The following TCF12 variants were observed in gnomAD, a reference collection of about 807,000 sequenced individuals.
The protein encoded by TCF12 is DNA-binding protein HTF4.
TCF12 carries 45 observed loss-of-function variants against 86.0 expected under a neutral mutation model. That is an observed-to-expected ratio of 0.52 (90% confidence interval 0.41 to 0.67). TCF12 has a LOEUF of 0.67. Among genes scored for constraint, TCF12 ranks in the 30% least tolerant of loss-of-function variants. The probability of loss-of-function intolerance (pLI) is 0.00; values close to 1 mark genes in which losing one functional copy is unlikely to be tolerated. For synonymous variants in TCF12, 330 were observed against 299.6 expected (o/e 1.10, Z -1.05); for missense variants, 881 against 859.9 (o/e 1.02, Z -0.31).
intron 3 of TCF12, among the ~76,000 whole-genome samples, chr15:57,002,735 T>C (rs1427063165): frequency 6.6e-6 from 1 of 152,244 alleles, no homozygotes; most frequent in Non-Finnish European, 1.5e-5. Context: ...TTTCATTCTC[T>C]GTCTCTATAA....
At position 56,931,870 on chromosome 15, in the gene TCF12, T is replaced by C. The variant is rs566415772; in HGVS notation, c.148+10772T>C. Among the ~76,000 whole-genome samples the C allele has an allele frequency of 5.9e-5, 9 of 152,350 alleles. No homozygotes were observed. The East Asian group carries it at 1.7e-3, about 29-fold the overall frequency. On this transcript the variant is annotated intron_variant, in intron 3 of 20. Coordinates refer to ENST00000333725, the MANE Select transcript of TCF12 (RefSeq NM_207037.2). ...AAGCCATTGACTTTTCTGGTGGCTT[T>C]GCAAGCCTGTTGCTTGTACTGTTGC...
chr15:56,937,643 T>G (rs1022853952), intron 3 of TCF12, among the ~76,000 whole-genome samples: 6 of 152,116 alleles, frequency 3.9e-5, no homozygotes, highest in Non-Finnish European at 7.4e-5. Flanking sequence ...AGGGAATGCT[T>G]TCAACTTTTC....
chr15:57,117,509 G>A (rs1013174365), intron 5 of TCF12, among the ~76,000 whole-genome samples: 4 of 152,104 alleles, frequency 2.6e-5, no homozygotes, highest in Non-Finnish European at 1.5e-5. Context: ...TTGTTACTGT[G>A]GATTAGAGTT....
At chr15:57,258,367 A>T in intron 16 of TCF12, among the ~76,000 whole-genome samples, 1 of 152,204 alleles carries the variant, frequency 6.6e-6, no homozygotes, top group East Asian at 1.9e-4. Flanking sequence ...CCATTGATTT[A>T]TGGCCGTAAT....
chr15:56,978,178 A>C (rs2062708087), intron 3 of TCF12, among the ~76,000 whole-genome samples: 1 of 152,188 alleles, frequency 6.6e-6, no homozygotes, highest in Admixed American at 6.5e-5. Flanking sequence ...GATCATTTCT[A>C]CTTTTCTCTG....
chr15:57,253,252 A>T lies in TCF12; in HGVS notation c.1261-10A>T. 1 of 1,610,472 alleles carries T rather than the reference A, an allele frequency of 6.2e-7. No individual in the cohort carries two copies. Among genetic ancestry groups the T allele is most frequent in the Non-Finnish European group, 8.5e-7 (1 of 1,178,542 alleles). On this transcript the variant is annotated splice_polypyrimidine_tract_variant and intron_variant, in intron 15 of 20. Coordinates refer to ENST00000333725, the MANE Select transcript of TCF12 (RefSeq NM_207037.2). ...CAATAACCACCATGTTTTTTTTTTAATCCATACAGCAGTCTCGAATGGAGG... is the reference window on the plus strand; with the variant it reads ...CAATAACCACCATGTTTTTTTTTTATTCCATACAGCAGTCTCGAATGGAGG...
intron 8 of TCF12, among the ~76,000 whole-genome samples, chr15:57,229,730 A>T (rs2059044695): frequency 6.6e-6 from 1 of 151,988 alleles, no homozygotes; most frequent in South Asian, 2.1e-4. Context: ...TTGCCTGCAT[A>T]CTTCGTACAA....
chr15:57,242,056 C>G (rs1209772423), intron 12 of TCF12, among the ~76,000 whole-genome samples: 1 of 6,224 alleles, frequency 1.6e-4, no homozygotes, highest in African/African-American at 1.9e-4. Flanking sequence ...TGAACCTGTC[C>G]CAATAATCTG....
intron 5 of TCF12, among the ~76,000 whole-genome samples, chr15:57,112,001 A>G (rs952407867): frequency 6.6e-6 from 1 of 152,180 alleles, no homozygotes; most frequent in Admixed American, 6.5e-5. Flanking sequence ...TTAGATTACC[A>G]AAGAAATCTA....
chr15:57,064,902 A>G (rs2068747602), intron 4 of TCF12, among the ~76,000 whole-genome samples: 1 of 152,068 alleles, frequency 6.6e-6, no homozygotes, highest in African/African-American at 2.4e-5. Flanking sequence ...GAAGAAAGAG[A>G]CAAGCATAAG....
At chr15:57,019,001 A>G (rs2065314024) in intron 3 of TCF12, among the ~76,000 whole-genome samples, 3 of 152,206 alleles carry the variant, frequency 2.0e-5, no homozygotes, top group Non-Finnish European at 1.5e-5. Context: ...TTGACTTTAA[A>G]TTGAATAAAT....
At chr15:57,237,807 A>G (rs2059442058) in intron 12 of TCF12, among the ~76,000 whole-genome samples, 1 of 152,226 alleles carries the variant, frequency 6.6e-6, no homozygotes, top group South Asian at 2.1e-4. Flanking sequence ...CAATTTTTAT[A>G]GAATAAGTAT....
chr15:57,029,841 G>A (rs1318696134), intron 3 of TCF12, among the ~76,000 whole-genome samples: 2 of 152,162 alleles, frequency 1.3e-5, no homozygotes, highest in Non-Finnish European at 2.9e-5. Flanking sequence ...AGTATGTAAT[G>A]TTTTGACACT....
At chr15:57,170,725 T>TATATATATA (rs2055362326) in intron 6 of TCF12, among the ~76,000 whole-genome samples, 1 of 1,756 alleles carries the variant, frequency 5.7e-4, no homozygotes, top group African/African-American at 2.0e-3. Context: ...ATATATATTA[T>TATATATATA]ATATTATATA....
Position 56,950,745 on chromosome 15 carries a change from G to GCTTTTTT in TCF12, c.148+29647_148+29648insCTTTTTT, listed in dbSNP as rs1555455322. ...TTACAAATAAAGCTATTATGACCATGTTTTTTTTTTTTTTTTTTTTTTTTT... is the reference window on the plus strand; with the variant it reads ...TTACAAATAAAGCTATTATGACCATGCTTTTTTTTTTTTTTTTTTTTTTTTTTTTTTT... On this transcript the variant is annotated intron_variant, in intron 3 of 20. Transcript: ENST00000333725. Among the ~76,000 whole-genome samples, 115 of 85,900 alleles carry GCTTTTTT rather than the reference G, an allele frequency of 1.3e-3. 53 individuals are homozygous for GCTTTTTT. The highest frequency in any genetic ancestry group is 9.5e-3 in the South Asian group (26 of 2,730). The allele number at this position is 85,900 out of a possible 152,430, so 56.4% of individuals were successfully genotyped here. A position where few individuals can be genotyped will look rare whatever the true frequency, so the allele number is the denominator to read the frequency against.
chr15:57,190,884 A>G (rs1447799082), intron 6 of TCF12, among the ~76,000 whole-genome samples: 38 of 152,176 alleles, frequency 2.5e-4, no homozygotes. Flanking sequence ...GAATCTGAAA[A>G]AGATGGGAAT....
intron 3 of TCF12, among the ~76,000 whole-genome samples, chr15:57,045,785 A>T (rs1337710266): frequency 6.6e-6 from 1 of 152,076 alleles, no homozygotes; most frequent in Non-Finnish European, 1.5e-5. Context: ...GACCCAAGCG[A>T]TGTGCCCTCC....
chr15:57,290,120 G>A (rs1212450948), downstream of TCF12, among the ~76,000 whole-genome samples: 8 of 151,698 alleles, frequency 5.3e-5, no homozygotes, highest in East Asian at 1.9e-4. Context: ...CAATGCGAGC[G>A]ATACACAAGG....
At chr15:56,951,945 G>A (rs577180687) in intron 3 of TCF12, among the ~76,000 whole-genome samples, 2 of 152,256 alleles carry the variant, frequency 1.3e-5, no homozygotes, top group African/African-American at 4.8e-5. Flanking sequence ...ACTGCACACG[G>A]CCTTACTTTT....
Sources: gnomAD v4.1 joint callset for allele counts (sites outside exome capture counted in the v4.1 genomes callset) on GRCh38, gnomAD v4.1.1 for gene constraint, MANE v1.5 for transcripts, NCBI Gene and HGNC (gene_info 2026-07-23, HGNC 2026-07-21) for gene names.